EMID1: variants seen among roughly 807,000 people sequenced by gnomAD.
EMID1 encodes EMI domain containing 1.
EMID1 carries 40 observed loss-of-function variants against 60.6 expected under a neutral mutation model. The ratio of observed to expected loss-of-function variants is 0.66; its 90% confidence interval spans 0.51 to 0.86. The LOEUF (loss-of-function observed/expected upper bound fraction) is 0.86. EMID1 is among the 40% of genes least tolerant of loss of function. The pLI is 0.00. For missense variants in EMID1, 585 were observed against 597.1 expected, an observed-to-expected ratio of 0.98 and a Z score of 0.21; for synonymous variants, 242 against 231.0, an observed-to-expected ratio of 1.05 and a Z score of -0.43.
At chr22:29,255,190 TC>T in intron 14 of EMID1, 1 of 113,070 alleles carries the variant, frequency 8.8e-6, no homozygotes. Flanking sequence ...GGCAGTGCCC[TC>T]CCACCCTCCC....
chr22:29,208,141 A>G (rs916341), intron 1 of EMID1, among the ~76,000 whole-genome samples: 22,426 of 152,140 alleles, frequency 0.15, 2,828 homozygotes, highest in African/African-American at 0.34. Context: ...GGGCTACCAG[A>G]ACCTCCACTT....
chr22:29,240,921 A>C (rs2041132239), intron 12 of EMID1, among the ~76,000 whole-genome samples: 1 of 152,206 alleles, frequency 6.6e-6, no homozygotes, highest in African/African-American at 2.4e-5. Flanking sequence ...CCAACAGGTT[A>C]GGCTCTGGTA....
chr22:29,222,642 G>A (rs1233504953), intron 3 of EMID1, among the ~76,000 whole-genome samples: 4 of 150,492 alleles, frequency 2.7e-5, no homozygotes, highest in Non-Finnish European at 4.4e-5. Context: ...GACCTCAGGT[G>A]ATCCACCCTC....
intron 3 of EMID1, among the ~76,000 whole-genome samples, chr22:29,220,600 C>T (rs1449253655): frequency 6.6e-6 from 1 of 152,016 alleles, no homozygotes; most frequent in Non-Finnish European, 1.5e-5. Context: ...AGCCCTTTGG[C>T]TCCTCTCCAG....
At position 29,208,041 on chromosome 22, in the gene EMID1, G is replaced by A. The variant is rs569050444; in HGVS notation, c.101+1902G>A. Among the ~76,000 whole-genome samples the A allele has an allele frequency of 3.3e-5, 5 of 152,312 alleles. No homozygotes were observed. In the East Asian group the frequency reaches 9.7e-4, roughly 29 times the overall value. On this transcript the variant is annotated intron_variant, in intron 1 of 14. Coordinates refer to ENST00000334018, the MANE Select transcript of EMID1 (RefSeq NM_133455.4). ...GCTCTCAGTTTCCTTCTTTCCTCGTGGGAAGGACCAGCACCGGGCCTCACC... is the reference window on the plus strand; with the variant it reads ...GCTCTCAGTTTCCTTCTTTCCTCGTAGGAAGGACCAGCACCGGGCCTCACC...
chr22:29,208,503 A>C (rs2039763041), intron 1 of EMID1, among the ~76,000 whole-genome samples: 1 of 152,148 alleles, frequency 6.6e-6, no homozygotes, highest in African/African-American at 2.4e-5. Context: ...CTGAGGGTTC[A>C]AGCCTTCACC....
chr22:29,223,749 C>G (rs1285616353), intron 3 of EMID1, among the ~76,000 whole-genome samples: 2 of 152,206 alleles, frequency 1.3e-5, no homozygotes, highest in East Asian at 3.9e-4. Context: ...AGAGGTAGCA[C>G]AGAGCTGCCC....
intron 3 of EMID1, among the ~76,000 whole-genome samples, chr22:29,223,735 G>A (rs1313587847): frequency 6.6e-6 from 1 of 151,904 alleles, no homozygotes; most frequent in South Asian, 2.1e-4. Context: ...ATGGGTGACA[G>A]AGAAGAGGTA....
In EMID1 at chr22:29,259,342, G is replaced by T; in HGVS notation, c.*398G>T. 4.5e-6 allele frequency: 1 copy of T among 221,472 alleles called. No individual in the cohort carries two copies. The allele number at this position is 221,472 out of a possible 1,614,324, so 13.7% of individuals were successfully genotyped here. On this transcript the variant is annotated 3_prime_UTR_variant, in exon 15 of 15. Transcript: ENST00000334018. The stretch of plus-strand genomic sequence containing the variant: ...CCCCTCCCCGACCAAACCTCGGGGA[G>T]CCCTCCTGTGCCCCTCCCTCCTTGT...
Position 29,243,506 on chromosome 22 carries a change from C to T in EMID1, c.1119+17C>T. The T allele has an allele frequency of 1.2e-6, 2 of 1,613,872 alleles. No individual in the cohort carries two copies. The highest frequency in any genetic ancestry group is 1.7e-6 in the Non-Finnish European group (2 of 1,179,754). The stretch of plus-strand genomic sequence containing the variant: ...AGCCACTGGGTAAGCTCTGGCCTGG[C>T]ACTGGCCTCTCCCTGCCTTCTCAGC... On this transcript the variant is annotated intron_variant, in intron 13 of 14. Transcript: ENST00000334018.
chr22:29,235,598 C>G (rs1357573148), intron 12 of EMID1, among the ~76,000 whole-genome samples: 1 of 151,302 alleles, frequency 6.6e-6, no homozygotes, highest in Non-Finnish European at 1.5e-5. Context: ...ACAGGGTTTC[C>G]CTATGTGCCT....
chr22:29,250,173 T>G (rs768463965), intron 13 of EMID1, among the ~76,000 whole-genome samples: 1 of 152,204 alleles, frequency 6.6e-6, no homozygotes, highest in South Asian at 2.1e-4. Flanking sequence ...GGAGGATCAT[T>G]TGAGTCCTGA....
At chr22:29,258,747 G>T in intron 14 of EMID1, 70 bp from the exon 15 acceptor site, 1 of 1,577,484 alleles carries the variant, frequency 6.3e-7, no homozygotes. Flanking sequence ...ACCCCCTAGA[G>T]GGCCAAGGGG....
At chr22:29,252,984 C>T (rs942798182) in intron 13 of EMID1, among the ~76,000 whole-genome samples, 6 of 152,222 alleles carry the variant, frequency 3.9e-5, no homozygotes, top group African/African-American at 1.4e-4. Flanking sequence ...CAATGTAACT[C>T]AAACCTTGTC....
chr22:29,231,371 G>C, intron 6 of EMID1: 1 of 826,038 alleles, frequency 1.2e-6, no homozygotes, highest in Non-Finnish European at 2.0e-6. Context: ...TGGAGGTCGG[G>C]GGGAGCTGGG....
At chr22:29,235,331 A>G (rs546552727) in intron 12 of EMID1, among the ~76,000 whole-genome samples, 1 of 143,146 alleles carries the variant, frequency 7.0e-6, no homozygotes, top group African/African-American at 2.6e-5. Flanking sequence ...CTGGGCAATA[A>G]GAGTGAGACT....
At position 29,253,925 on chromosome 22, in the gene EMID1, T is replaced by C. The variant is rs941423581; in HGVS notation, c.1120-278T>C. On this transcript the variant is annotated intron_variant, in intron 13 of 14. Coordinates refer to ENST00000334018, the MANE Select transcript of EMID1 (RefSeq NM_133455.4). ...CCCCTGAAGATTGGCTCCCCCTGCC[T>C]TCAGCGCAGCAGGATTTGCGGCCTT... The C allele has an allele frequency of 9.1e-6, 9 of 985,332 alleles. No homozygotes were observed. In the African/African-American group the frequency reaches 1.6e-4, roughly 17 times the overall value. 61.0% of individuals were successfully genotyped at this position (985,332 alleles called of 1,614,324 possible).
intron 10 of EMID1, chr22:29,233,873 C>A (rs2040843772): frequency 1.5e-6 from 1 of 677,534 alleles, no homozygotes; most frequent in Admixed American, 2.9e-5. Flanking sequence ...GTAATGAGAA[C>A]CATGTGTGGT....
intron 3 of EMID1, chr22:29,216,332 C>T: frequency 2.0e-6 from 2 of 985,424 alleles, no homozygotes; most frequent in South Asian, 9.4e-5. Flanking sequence ...GGCACCTGCC[C>T]CTCTGCTGAG....
Sources: allele counts gnomAD v4.1 joint callset (sites outside exome capture counted in the v4.1 genomes callset), GRCh38; gene constraint gnomAD v4.1.1; transcripts MANE v1.5; gene names NCBI Gene and HGNC (gene_info 2026-07-23, HGNC 2026-07-21).